The following LYRM4 variants were observed in gnomAD, a reference collection of about 807,000 sequenced individuals.
LYRM4 encodes LYR motif containing 4.
Under a neutral mutation model 11.7 loss-of-function variants are expected in LYRM4, and 9 were observed. The ratio of observed to expected loss-of-function variants is 0.77; its 90% CI spans 0.46 to 1.34. The LOEUF (loss-of-function observed/expected upper bound fraction) is 1.34, where lower values mean the gene tolerates loss of function less well. LYRM4 is among the 40% of genes most tolerant of loss of function. LYRM4 has a pLI of 0.00. For missense variants in LYRM4, 133 were observed against 112.5 expected (o/e 1.18, Z -0.82); for synonymous variants, 42 against 40.4 (o/e 1.04, Z -0.15).
At chr6:5,136,504 C>CT (rs1451938668) in intron 2 of LYRM4, 1 of 939,310 alleles carries the variant, frequency 1.1e-6, no homozygotes, top group Non-Finnish European at 1.3e-6. Context: ...ACCCTGTAGT[C>CT]TCAGTTTCCT....
chr6:5,062,761 T>C, the LYRM4 span, among the ~76,000 whole-genome samples: 15 of 152,202 alleles, frequency 9.9e-5, no homozygotes, highest in Non-Finnish European at 2.1e-4. Flanking sequence ...TCTGTGCAAG[T>C]GGTCCATGCA....
At chr6:5,135,718 C>G (rs1266303054) in intron 2 of LYRM4, among the ~76,000 whole-genome samples, 1 of 152,198 alleles carries the variant, frequency 6.6e-6, no homozygotes, top group Non-Finnish European at 1.5e-5. Flanking sequence ...GACTTTCAAA[C>G]ACACACAATA....
intron 2 of LYRM4, among the ~76,000 whole-genome samples, chr6:5,143,303 C>T (rs774222170): frequency 1.9e-4 from 29 of 152,304 alleles, no homozygotes; most frequent in Non-Finnish European, 3.8e-4. Flanking sequence ...TGACTTATGG[C>T]AACCTCTGGG....
intron 1 of LYRM4, among the ~76,000 whole-genome samples, chr6:5,235,013 G>C (rs189727920): frequency 3.9e-5 from 6 of 151,990 alleles, no homozygotes; most frequent in African/African-American, 1.4e-4. Context: ...CCTTGTACCC[G>C]GGGACTCACT....
intron 1 of LYRM4, among the ~76,000 whole-genome samples, chr6:5,256,001 A>T (rs1485638555): frequency 6.6e-6 from 1 of 151,898 alleles, no homozygotes; most frequent in South Asian, 2.1e-4. Flanking sequence ...TAAGTACTTG[A>T]TGTGTATTAA....
the LYRM4 span, among the ~76,000 whole-genome samples, chr6:5,076,753 T>A: frequency 6.6e-6 from 1 of 152,164 alleles, no homozygotes; most frequent in East Asian, 1.9e-4. Context: ...TCTTAGAATG[T>A]CTGTAGCAGC....
At chr6:5,242,433 C>T (rs1167108152) in intron 1 of LYRM4, among the ~76,000 whole-genome samples, 2 of 150,392 alleles carry the variant, frequency 1.3e-5, no homozygotes, top group Non-Finnish European at 3.0e-5. Flanking sequence ...TTTAAAAATA[C>T]ATGAGGCTGG....
At chr6:5,099,391 C>CTATCTATCTA (rs1762432070), downstream of LYRM4, among the ~76,000 whole-genome samples, 36 of 145,560 alleles carry the variant, frequency 2.5e-4, no homozygotes, top group African/African-American at 8.0e-4. The surrounding 1 kb of genome is among the most constrained non-coding windows in gnomAD (Gnocchi z 4.3). Flanking sequence ...AAATCTATTT[C>CTATCTATCTA]TCTATCTATC....
At chr6:5,117,138 C>T (rs970728054) in intron 2 of LYRM4, among the ~76,000 whole-genome samples, 1 of 152,218 alleles carries the variant, frequency 6.6e-6, no homozygotes, top group Non-Finnish European at 1.5e-5. Context: ...CTTCCCAGGG[C>T]CCAAACATAT....
chr6:5,162,511 G>GAGAGACAGAGAGAA (rs1758826199), intron 2 of LYRM4, among the ~76,000 whole-genome samples: 2 of 147,630 alleles, frequency 1.4e-5, no homozygotes, highest in African/African-American at 5.1e-5. Context: ...GAGAGAGAGA[G>GAGAGACAGAGAGAA]AGAGAGAGAG....
chr6:5,252,099 T>C (rs991121484), intron 1 of LYRM4, among the ~76,000 whole-genome samples: 8 of 152,198 alleles, frequency 5.3e-5, no homozygotes, highest in Non-Finnish European at 8.8e-5. Flanking sequence ...GATCAGGACT[T>C]AGGAATTTTA....
chr6:5,219,628 T>C (rs1762468421), intron 1 of LYRM4, among the ~76,000 whole-genome samples: 1 of 152,144 alleles, frequency 6.6e-6, no homozygotes, highest in South Asian at 2.1e-4. Context: ...AAAATCTGAG[T>C]GAATCTTCAA....
intron 1 of LYRM4, among the ~76,000 whole-genome samples, chr6:5,223,906 T>C (rs1451229071): frequency 6.6e-6 from 1 of 152,186 alleles, no homozygotes; most frequent in Non-Finnish European, 1.5e-5. Context: ...CTAATGGTTT[T>C]CCATTATCTT....
intron 1 of LYRM4, among the ~76,000 whole-genome samples, chr6:5,223,275 C>G (rs955214019): frequency 2.6e-5 from 4 of 152,140 alleles, no homozygotes; most frequent in African/African-American, 4.8e-5. Flanking sequence ...AATAGGATAA[C>G]AAAAGAATAT....
At chr6:5,145,197 T>C (rs1158397963) in intron 2 of LYRM4, among the ~76,000 whole-genome samples, 3 of 152,222 alleles carry the variant, frequency 2.0e-5, no homozygotes, top group Non-Finnish European at 4.4e-5. Context: ...AGTTGGAATC[T>C]GAGGCAAGCT....
At chr6:5,062,081 C>CTTTTTTTTTTT in the LYRM4 span, among the ~76,000 whole-genome samples, 3 of 117,280 alleles carry the variant, frequency 2.6e-5, no homozygotes, top group East Asian at 2.4e-4. Context: ...CTTCCTTCTT[C>CTTTTTTTTTTT]TTTTTTTTTT....
the LYRM4 span, chr6:5,084,946 T>G: frequency 6.5e-6 from 1 of 153,156 alleles, no homozygotes; most frequent in East Asian, 1.9e-4. Flanking sequence ...AGGAGAGCGC[T>G]CAGTGACCCT....
the LYRM4 span, chr6:5,086,410 G>A: frequency 2.6e-6 from 4 of 1,536,258 alleles, no homozygotes; most frequent in Admixed American, 3.9e-5. Flanking sequence ...CCTGCCCCCG[G>A]GCCTGCAGCC....
Position 5,243,235 on chromosome 6 carries a change from C to T in LYRM4, c.86+17413G>A, listed in dbSNP as rs186482374. 3.0e-4 allele frequency among the ~76,000 whole-genome samples: 46 copies of T among 152,330 alleles called. No individual in the cohort carries two copies. In the East Asian group the frequency reaches 8.1e-3, roughly 27 times the overall value. On this transcript the variant is annotated intron_variant, in intron 1 of 2. Transcript: ENST00000330636. ...TCTTTTATTTGCAGTGCCCCGTCACCGAGTCAGACAGTCAGGACTGCAGTG... is the reference window on the plus strand; with the variant it reads ...TCTTTTATTTGCAGTGCCCCGTCACTGAGTCAGACAGTCAGGACTGCAGTG...
Sources: gnomAD v4.1 joint callset for allele counts (sites outside exome capture counted in the v4.1 genomes callset) on GRCh38, gnomAD v4.1.1 for gene constraint, Gnocchi (gnomAD v3.1) non-coding constraint, MANE v1.5 for transcripts, NCBI Gene and HGNC (gene_info 2026-07-23, HGNC 2026-07-21) for gene names.